Variants in SPATA6 observed in about 807,000 individuals in gnomAD.
SPATA6 encodes the protein spermatogenesis associated 6.
SPATA6 carries 56 observed loss-of-function variants against 65.3 expected under a neutral mutation model. The ratio of observed to expected loss-of-function variants is 0.86; its 90% CI spans 0.69 to 1.07. The LOEUF (loss-of-function observed/expected upper bound fraction) is 1.07, where lower values mean the gene tolerates loss of function less well. SPATA6 is among the 50% of genes least tolerant of loss of function. The pLI, the probability that SPATA6 is intolerant of heterozygous loss-of-function variation, is 0.00. For missense variants in SPATA6, 590 were observed against 594.8 expected (o/e 0.99, Z 0.08); for synonymous variants, 199 against 213.2 (o/e 0.93, Z 0.58).
intron 11 of SPATA6, among the ~76,000 whole-genome samples, chr1:48,317,643 G>A (rs112822707): frequency 2.6e-5 from 4 of 151,868 alleles, no homozygotes; most frequent in African/African-American, 4.8e-5. Flanking sequence ...AAACCTGCAC[G>A]TTGTGCACAT....
intron 7 of SPATA6, among the ~76,000 whole-genome samples, chr1:48,397,421 T>C (rs138676427): frequency 6.6e-6 from 1 of 151,868 alleles, no homozygotes; most frequent in Non-Finnish European, 1.5e-5. Context: ...GCTGTTTTAC[T>C]CGTCTAGGAT....
At chr1:48,396,576 T>A (rs1650611366) in intron 7 of SPATA6, among the ~76,000 whole-genome samples, 1 of 151,750 alleles carries the variant, frequency 6.6e-6, no homozygotes, top group Admixed American at 6.6e-5. Flanking sequence ...GAGAATATTA[T>A]TCAACGGTAA....
intron 3 of SPATA6, among the ~76,000 whole-genome samples, chr1:48,446,822 A>C (rs1656093558): frequency 6.6e-6 from 1 of 152,174 alleles, no homozygotes; most frequent in African/African-American, 2.4e-5. Flanking sequence ...TATCAACTTA[A>C]ATGACAGAAA....
rs975876298 is a variant in SPATA6 at position 48,419,051 on chromosome 1, A to G, written c.239-5900T>C. Reference sequence around the variant, plus strand: ...CTGCAACCTCAACTATTTGAAAAACATGATTACAAACTAGAAAATACTTTA... The same window carrying G: ...CTGCAACCTCAACTATTTGAAAAACGTGATTACAAACTAGAAAATACTTTA... On this transcript the variant is annotated intron_variant, in intron 3 of 12. Transcript: ENST00000371847. 3.9e-5 allele frequency among the ~76,000 whole-genome samples: 6 copies of G among 152,200 alleles called. No homozygotes were observed. In the East Asian group the frequency reaches 1.2e-3, roughly 29 times the overall value.
chr1:48,269,505 T>C, the SPATA6 span, among the ~76,000 whole-genome samples: 3 of 152,136 alleles, frequency 2.0e-5, no homozygotes, highest in Non-Finnish European at 4.4e-5. Context: ...ACAAATACTG[T>C]TTACCAGATC....
chr1:48,271,646 T>C, the SPATA6 span, among the ~76,000 whole-genome samples: 2 of 152,066 alleles, frequency 1.3e-5, no homozygotes, highest in Non-Finnish European at 2.9e-5. Flanking sequence ...GTTAAACAAC[T>C]AGAATAGCAA....
chr1:48,421,747 TAAAAAC>T (rs1653361863), intron 3 of SPATA6, among the ~76,000 whole-genome samples: 1 of 151,966 alleles, frequency 6.6e-6, no homozygotes, highest in African/African-American at 2.4e-5. Context: ...ATATAATAGT[TAAAAAC>T]AAATATAGTC....
the SPATA6 span, among the ~76,000 whole-genome samples, chr1:48,274,138 GTCT>G: frequency 6.6e-6 from 1 of 152,076 alleles, no homozygotes; most frequent in East Asian, 1.9e-4. Context: ...CCACATAAAT[GTCT>G]TCTTTTGAGA....
chr1:48,358,473 T>C (rs1646717147), intron 10 of SPATA6, among the ~76,000 whole-genome samples: 1 of 151,736 alleles, frequency 6.6e-6, no homozygotes, highest in East Asian at 1.9e-4. Context: ...TCTGGAAAAC[T>C]TACAGAGATG....
chr1:48,447,375 C>T (rs1389679521), intron 3 of SPATA6, among the ~76,000 whole-genome samples: 2 of 152,028 alleles, frequency 1.3e-5, no homozygotes, highest in East Asian at 1.9e-4. Flanking sequence ...AAAAATTAGC[C>T]GGGCATGGTG....
intron 3 of SPATA6, chr1:48,436,297 T>C: frequency 6.2e-7 from 1 of 1,613,482 alleles, no homozygotes; most frequent in Admixed American, 1.7e-5. Context: ...CGTGATTCTA[T>C]CCCACTTTTT....
chr1:48,317,930 C>A (rs971728548), intron 11 of SPATA6, among the ~76,000 whole-genome samples: 1 of 152,046 alleles, frequency 6.6e-6, no homozygotes, highest in African/African-American at 2.4e-5. Context: ...CAAGCCAAAT[C>A]CAGCAAGACA....
chr1:48,462,251 G>A (rs889436680), intron 1 of SPATA6, among the ~76,000 whole-genome samples: 3 of 152,030 alleles, frequency 2.0e-5, no homozygotes, highest in Middle Eastern at 3.2e-3. Flanking sequence ...GCTAAATGAC[G>A]AGTTAATGGG....
At chr1:48,387,398 C>G (rs1438685913) in intron 8 of SPATA6, among the ~76,000 whole-genome samples, 1 of 152,190 alleles carries the variant, frequency 6.6e-6, no homozygotes, top group Non-Finnish European at 1.5e-5. Context: ...TATCCTGAAG[C>G]CCAGCAGCAC....
intron 3 of SPATA6, chr1:48,436,140 C>T (rs1462874096): frequency 2.1e-5 from 34 of 1,610,004 alleles, no homozygotes; most frequent in Middle Eastern, 2.1e-4. Context: ...TTTCTCACTA[C>T]GAGCTCCAAG....
At chr1:48,466,734 A>G (rs2148201877) in intron 1 of SPATA6, among the ~76,000 whole-genome samples, 1 of 152,146 alleles carries the variant, frequency 6.6e-6, no homozygotes, top group African/African-American at 2.4e-5. Context: ...TTTACCACCA[A>G]CTGTGGCTTA....
chr1:48,263,985 G>C, the SPATA6 span, among the ~76,000 whole-genome samples: 1 of 151,996 alleles, frequency 6.6e-6, no homozygotes, highest in Admixed American at 6.6e-5. Flanking sequence ...ATACCACCAT[G>C]CCCAATTAAT....
intron 3 of SPATA6, among the ~76,000 whole-genome samples, chr1:48,428,775 A>G (rs1046162017): frequency 1.4e-3 from 193 of 133,574 alleles, no homozygotes; most frequent in African/African-American, 1.8e-3. Flanking sequence ...AGGTGTATAT[A>G]TGTGTGTGTG....
chr1:48,413,462 T>C (rs923990988), intron 3 of SPATA6, among the ~76,000 whole-genome samples: 12 of 150,008 alleles, frequency 8.0e-5, no homozygotes, highest in Non-Finnish European at 1.5e-4. Flanking sequence ...GATACTTTTT[T>C]TTTTTTTTTT....
Sources: allele counts gnomAD v4.1 joint callset (sites outside exome capture counted in the v4.1 genomes callset), GRCh38; gene constraint gnomAD v4.1.1; transcripts MANE v1.5; gene names NCBI Gene and HGNC (gene_info 2026-07-23, HGNC 2026-07-21).